Variants in RARB observed in about 807,000 individuals in gnomAD.
RARB encodes HBV-activated protein.
RARB carries 17 observed loss-of-function variants against 51.9 expected under a neutral mutation model. That is an observed-to-expected ratio of 0.33 (90% CI 0.22 to 0.49). The LOEUF is 0.49. Among genes scored for constraint, RARB ranks in the 20% least tolerant of loss-of-function variants. The probability of loss-of-function intolerance (pLI) is 0.99; values close to 1 mark genes in which losing one functional copy is unlikely to be tolerated. For synonymous variants in RARB, 215 were observed against 195.4 expected (o/e 1.10, Z -0.84); for missense variants, 369 against 550.8 (o/e 0.67, Z 3.30).
intron 5 of RARB, among the ~76,000 whole-genome samples, chr3:25,249,611 A>G (rs1320164745): frequency 6.8e-6 from 1 of 147,788 alleles, no homozygotes; most frequent in Non-Finnish European, 1.5e-5. Context: ...CTGAAGAGGT[A>G]TCCATGATGT....
intron 3 of RARB, among the ~76,000 whole-genome samples, chr3:25,551,571 C>T (rs1431020489): frequency 6.6e-6 from 1 of 152,108 alleles, no homozygotes; most frequent in African/African-American, 2.4e-5. Context: ...GGGAGAAGAT[C>T]AATGTGAGGT....
intron 5 of RARB, among the ~76,000 whole-genome samples, chr3:25,250,389 GT>G (rs987160380): frequency 1.3e-5 from 2 of 152,186 alleles, no homozygotes; most frequent in African/African-American, 4.8e-5. Context: ...GGGGGCAGCA[GT>G]GGTTGTGCTG....
intron 5 of RARB, among the ~76,000 whole-genome samples, chr3:25,423,164 T>C (rs1313738539): frequency 6.6e-6 from 1 of 152,220 alleles, no homozygotes; most frequent in Non-Finnish European, 1.5e-5. Flanking sequence ...TGGAGTACAA[T>C]TTTGTGCGTC....
At chr3:24,922,967 T>G (rs887417991) in intron 2 of RARB, among the ~76,000 whole-genome samples, 31 of 152,164 alleles carry the variant, frequency 2.0e-4, no homozygotes, top group African/African-American at 7.2e-4. Context: ...AAAGTTTAAA[T>G]GACAAAGAGA....
At chr3:24,870,597 A>C (rs1201949899) in intron 2 of RARB, among the ~76,000 whole-genome samples, 1 of 152,088 alleles carries the variant, frequency 6.6e-6, no homozygotes, top group South Asian at 2.1e-4. Context: ...TTTAGAAACT[A>C]ATTATGTTAA....
intron 3 of RARB, among the ~76,000 whole-genome samples, chr3:25,108,791 A>AT (rs895642581): frequency 3.3e-5 from 5 of 152,156 alleles, no homozygotes; most frequent in African/African-American, 1.2e-4. Flanking sequence ...AATTAACTGC[A>AT]TTTTTTTATA....
chr3:25,426,863 A>G (rs1708007534), upstream of RARB, among the ~76,000 whole-genome samples: 1 of 152,124 alleles, frequency 6.6e-6, no homozygotes. Context: ...TACTGCATCT[A>G]TCCTTCTTAG....
intron 2 of RARB, among the ~76,000 whole-genome samples, chr3:24,863,708 C>CT (rs747890755): frequency 0.045 from 6,514 of 143,600 alleles, 214 homozygotes; most frequent in South Asian, 0.11. Flanking sequence ...ACAAGTTTGA[C>CT]TTTTTTTTTT....
At chr3:25,105,849 T>C (rs1699489318) in intron 3 of RARB, among the ~76,000 whole-genome samples, 1 of 152,214 alleles carries the variant, frequency 6.6e-6, no homozygotes, top group South Asian at 2.1e-4. Context: ...TTCTTTTCTA[T>C]GCCTTATCAA....
rs182595303 is a variant in RARB at position 25,329,304 on chromosome 3, G to A, written c.179-131889G>A. On this transcript the variant is annotated intron_variant, in intron 5 of 11. Coordinates refer to the RARB transcript ENST00000383772. ...GGGCTGACTGACACCTCATACGGCC[G>A]GGTGCCCCTCTGAGACGAAGCTTCC... Among the ~76,000 whole-genome samples the A allele has an allele frequency of 2.0e-3, 303 of 152,192 alleles. 5 individuals are homozygous for A. The East Asian group carries it at 0.025, about 12-fold the overall frequency.
At chr3:25,194,928 A>G (rs1277093931) in intron 5 of RARB, among the ~76,000 whole-genome samples, 2 of 151,942 alleles carry the variant, frequency 1.3e-5, no homozygotes, top group African/African-American at 4.8e-5. Flanking sequence ...TTGAAAGAGT[A>G]TGGTGGAAAA....
chr3:25,058,112 G>A (rs1283774419), intron 2 of RARB, among the ~76,000 whole-genome samples: 1 of 151,880 alleles, frequency 6.6e-6, no homozygotes, highest in South Asian at 2.1e-4. Flanking sequence ...GCACTGAGTT[G>A]CCATTTGGTT....
intron 2 of RARB, among the ~76,000 whole-genome samples, chr3:24,913,280 A>G (rs77878264): frequency 0.035 from 5,304 of 151,988 alleles, 179 homozygotes; most frequent in African/African-American, 0.091. Flanking sequence ...CACCGCGCCC[A>G]GCCGGTACTG....
chr3:25,336,027 G>GT (rs1457008422), intron 5 of RARB, among the ~76,000 whole-genome samples: 1 of 150,014 alleles, frequency 6.7e-6, no homozygotes, highest in Non-Finnish European at 1.5e-5. Context: ...TTCCTAATAG[G>GT]TTTTTTTCAG....
chr3:25,161,430 A>G (rs985365958), intron 4 of RARB, among the ~76,000 whole-genome samples: 2 of 152,134 alleles, frequency 1.3e-5, no homozygotes, highest in African/African-American at 2.4e-5. Context: ...GAATTAGAAC[A>G]TGGAACCTGT....
intron 3 of RARB, among the ~76,000 whole-genome samples, chr3:25,088,376 G>A (rs1055281884): frequency 1.3e-5 from 2 of 152,230 alleles, no homozygotes; most frequent in African/African-American, 4.8e-5. Context: ...ACAATTTGCC[G>A]TGAACGCCCT....
At chr3:25,443,622 T>TA (rs11294103) in intron 1 of RARB, among the ~76,000 whole-genome samples, 9,986 of 145,566 alleles carry the variant, frequency 0.069, 443 homozygotes, top group South Asian at 0.14. Flanking sequence ...AAAATATATA[T>TA]AAAAAAAAAA....
chr3:24,865,949 C>A (rs1254053648), intron 2 of RARB, among the ~76,000 whole-genome samples: 1 of 151,954 alleles, frequency 6.6e-6, no homozygotes, highest in Admixed American at 6.6e-5. Context: ...CCTGAATGTG[C>A]CACACAAATA....
chr3:25,420,426 G>A (rs1707826879), intron 5 of RARB, among the ~76,000 whole-genome samples: 1 of 152,130 alleles, frequency 6.6e-6, no homozygotes, highest in African/African-American at 2.4e-5. Flanking sequence ...TTCAAATCCT[G>A]GGATGCTCTT....
Sources: allele counts gnomAD v4.1 joint callset (sites outside exome capture counted in the v4.1 genomes callset), GRCh38; gene constraint gnomAD v4.1.1; transcripts MANE v1.5; gene names NCBI Gene and HGNC (gene_info 2026-07-23, HGNC 2026-07-21).